MGAT4C: variants seen among roughly 807,000 people sequenced by gnomAD.
MGAT4C encodes the protein MGAT4 family member C, also known as alpha-1,3-mannosyl-glycoprotein 4-beta-N-acetylglucosaminyltransferase C.
In MGAT4C, 19 loss-of-function variants were observed where a neutral mutation model predicts 40.1. The ratio of observed to expected loss-of-function variants is 0.47; its 90% CI spans 0.33 to 0.70. MGAT4C has a LOEUF of 0.70. Among genes scored for constraint, MGAT4C ranks in the 30% least tolerant of loss-of-function variants. The probability of loss-of-function intolerance (pLI) is 0.02; values close to 1 mark genes in which losing one functional copy is unlikely to be tolerated. For missense variants in MGAT4C, 491 were observed against 563.2 expected, an observed-to-expected ratio of 0.87 and a Z score of 1.30; for synonymous variants, 181 against 187.1, an observed-to-expected ratio of 0.97 and a Z score of 0.27.
intron 1 of MGAT4C, among the ~76,000 whole-genome samples, chr12:86,127,966 T>C (rs1205741567): frequency 6.6e-6 from 1 of 152,208 alleles, no homozygotes; most frequent in African/African-American, 2.4e-5. Context: ...AAAATAATGC[T>C]TAAAAGTATA....
chr12:86,381,663 C>T (rs1005658585), intron 3 of MGAT4C, among the ~76,000 whole-genome samples: 10 of 152,112 alleles, frequency 6.6e-5, no homozygotes, highest in African/African-American at 2.4e-4. Flanking sequence ...TTCGTTAATC[C>T]AATCAAACTG....
At position 85,979,274 on chromosome 12, in the gene MGAT4C, T is replaced by C; in HGVS notation, c.*15A>G. ...GAAGAACTGCTTCAGAAACTGAACA[T>C]ACTGATTTAATTGGCTAAGAAGTCC... On this transcript the variant is annotated 3_prime_UTR_variant, in exon 5 of 5. Coordinates refer to ENST00000611864, the MANE Select transcript of MGAT4C (RefSeq NM_001351288.2). The C allele has an allele frequency of 6.4e-7, 1 of 1,560,716 alleles. No homozygotes were observed. Among genetic ancestry groups the C allele is most frequent in the Admixed American group, 1.9e-5 (1 of 53,346 alleles).
chr12:86,581,396 A>G (rs1409134356), intron 2 of MGAT4C, among the ~76,000 whole-genome samples: 2 of 151,424 alleles, frequency 1.3e-5, no homozygotes, highest in Admixed American at 1.3e-4. Flanking sequence ...AGGCCAAAAG[A>G]CCTTCAAGTG....
intron 3 of MGAT4C, among the ~76,000 whole-genome samples, chr12:86,342,478 T>G (rs1954925219): frequency 6.6e-6 from 1 of 152,142 alleles, no homozygotes; most frequent in Non-Finnish European, 1.5e-5. Flanking sequence ...CTTGGGCTAA[T>G]GAAGGAGCAA....
chr12:86,432,874 T>G lies in MGAT4C; in HGVS notation c.-120+2283A>C, dbSNP rs1184265384. Among the ~76,000 whole-genome samples the G allele has an allele frequency of 2.0e-5, 3 of 152,148 alleles. No individual in the cohort carries two copies. In the South Asian group the frequency reaches 6.2e-4, roughly 31 times the overall value. ...ATTTGCATCCTGTTTGTAAACTTTA[T>G]AATATTTCCTGTTCAACTTTTTTTT... On this transcript the variant is annotated intron_variant, in intron 3 of 7. Transcript: ENST00000548651.
At chr12:86,339,871 A>C (rs1238622948) in intron 3 of MGAT4C, among the ~76,000 whole-genome samples, 1 of 152,082 alleles carries the variant, frequency 6.6e-6, no homozygotes, top group Non-Finnish European at 1.5e-5. Flanking sequence ...TCCAAATCTT[A>C]GATTGGTAGC....
At chr12:86,119,596 A>T (rs1879028003) in intron 1 of MGAT4C, among the ~76,000 whole-genome samples, 1 of 151,694 alleles carries the variant, frequency 6.6e-6, no homozygotes, top group Non-Finnish European at 1.5e-5. Context: ...TTTAGTAGAG[A>T]CAGGGTTTCA....
chr12:86,661,896 C>T (rs1231856160), intron 2 of MGAT4C, among the ~76,000 whole-genome samples: 2 of 152,072 alleles, frequency 1.3e-5, no homozygotes, highest in Non-Finnish European at 2.9e-5. Flanking sequence ...CCGAGATTGT[C>T]ACTGTGCTCC....
At chr12:86,314,980 G>C (rs772541602) in intron 4 of MGAT4C, among the ~76,000 whole-genome samples, 5 of 149,784 alleles carry the variant, frequency 3.3e-5, no homozygotes, top group African/African-American at 9.8e-5. Context: ...ATTTTTTACA[G>C]AATTAGAAAA....
chr12:86,726,424 C>A (rs1446574993), intron 2 of MGAT4C, among the ~76,000 whole-genome samples: 2 of 152,054 alleles, frequency 1.3e-5, no homozygotes, highest in Admixed American at 6.6e-5. Context: ...TACGATATTA[C>A]CTAATATATT....
chr12:86,404,886 T>C (rs1956434422), intron 3 of MGAT4C, among the ~76,000 whole-genome samples: 1 of 152,090 alleles, frequency 6.6e-6, no homozygotes, highest in South Asian at 2.1e-4. Flanking sequence ...CAGTTACAAA[T>C]ATAATGTGTA....
intron 4 of MGAT4C, among the ~76,000 whole-genome samples, chr12:86,283,635 A>G (rs1953275077): frequency 1.3e-5 from 2 of 152,122 alleles, no homozygotes; most frequent in Admixed American, 1.3e-4. Context: ...ATTCTGATAC[A>G]GCGACCATGG....
intron 3 of MGAT4C, among the ~76,000 whole-genome samples, chr12:86,413,284 T>C (rs1159337579): frequency 1.3e-5 from 2 of 152,108 alleles, no homozygotes; most frequent in Non-Finnish European, 2.9e-5. Context: ...ACTTCGCTCT[T>C]CTGGGTTTCA....
chr12:86,535,198 C>T (rs571929899), intron 2 of MGAT4C, among the ~76,000 whole-genome samples: 5 of 152,058 alleles, frequency 3.3e-5, no homozygotes, highest in African/African-American at 1.2e-4. Flanking sequence ...GCCAATGACC[C>T]GTGTATTTCA....
intron 2 of MGAT4C, among the ~76,000 whole-genome samples, chr12:85,990,062 G>C (rs750145971): frequency 6.6e-6 from 1 of 152,032 alleles, no homozygotes; most frequent in Non-Finnish European, 1.5e-5. Flanking sequence ...AAGAAGTTAA[G>C]GCTGTGGGGT....
At chr12:86,797,104 G>A (rs1952136649) in intron 1 of MGAT4C, among the ~76,000 whole-genome samples, 1 of 151,710 alleles carries the variant, frequency 6.6e-6, no homozygotes, top group Non-Finnish European at 1.5e-5. Context: ...AGCAGCTGGA[G>A]AAAAATTACA....
At chr12:86,633,592 C>A in intron 2 of MGAT4C, among the ~76,000 whole-genome samples, 1 of 152,106 alleles carries the variant, frequency 6.6e-6, no homozygotes, top group Non-Finnish European at 1.5e-5. Flanking sequence ...TAATTAGATG[C>A]AATAAATTAT....
chr12:86,232,449 C>T (rs1552839), intron 1 of MGAT4C, among the ~76,000 whole-genome samples: 103,932 of 151,990 alleles, frequency 0.68, 36,238 homozygotes, highest in East Asian at 0.95. Context: ...TACTTGAGAA[C>T]GCAAGATCTG....
intron 1 of MGAT4C, among the ~76,000 whole-genome samples, chr12:86,104,968 A>T (rs1875878530): frequency 6.6e-6 from 1 of 152,150 alleles, no homozygotes; most frequent in Non-Finnish European, 1.5e-5. Context: ...ATGTATCCTC[A>T]CCTTAACTAT....
Sources: allele counts gnomAD v4.1 joint callset (sites outside exome capture counted in the v4.1 genomes callset), GRCh38; gene constraint gnomAD v4.1.1; transcripts MANE v1.5; gene names NCBI Gene and HGNC (gene_info 2026-07-23, HGNC 2026-07-21).